IREB2: variants seen among roughly 807,000 people sequenced by gnomAD.
IREB2 encodes iron-responsive element-binding protein 2.
Under a neutral mutation model 118.8 loss-of-function variants are expected in IREB2, and 39 were observed. The ratio of observed to expected loss-of-function variants is 0.33; its 90% confidence interval spans 0.25 to 0.43. The LOEUF (loss-of-function observed/expected upper bound fraction) is 0.43, where lower values mean the gene tolerates loss of function less well. IREB2 is among the 20% of genes least tolerant of loss of function. The probability of loss-of-function intolerance (pLI) is 1.00; values close to 1 mark genes in which losing one functional copy is unlikely to be tolerated. For synonymous variants in IREB2, 372 were observed against 392.2 expected (o/e 0.95, Z 0.61); for missense variants, 900 against 1,147.3 (o/e 0.78, Z 3.11).
chr15:78,483,380 T>A lies in IREB2; in HGVS notation c.1359T>A (p.Asp453Glu). 1 of 1,609,966 alleles carries A rather than the reference T, an allele frequency of 6.2e-7. No individual in the cohort carries two copies. Among genetic ancestry groups the A allele is most frequent in the Non-Finnish European group, 8.5e-7 (1 of 1,176,256 alleles). ...PSVSGPKRPQDRVAVTDMKSD... is the reference protein window; with the variant it reads ...PSVSGPKRPQERVAVTDMKSD... ...TTAGTGGTCCAAAAAGACCTCAGGA[T>A]AGAGTTGCTGTGACAGATATGAAAA... The change falls in exon 11 of 22, where the codon GAT (aspartate) becomes GAA (glutamate). Residue 453 changes from aspartate to glutamate, a missense_variant. Coordinates refer to ENST00000258886, the MANE Select transcript of IREB2 (RefSeq NM_004136.4).
chr15:78,454,775 C>T (rs2051079013), intron 2 of IREB2, among the ~76,000 whole-genome samples: 1 of 152,208 alleles, frequency 6.6e-6, no homozygotes, highest in African/African-American at 2.4e-5. Flanking sequence ...CTCACTGCAG[C>T]CTTGACCTCC....
chr15:78,476,607 C>T (rs1390998432), intron 9 of IREB2: 3 of 270,754 alleles, frequency 1.1e-5, no homozygotes, highest in Non-Finnish European at 2.1e-5. Context: ...TGACTGTTTC[C>T]CCATAATGAT....
intron 12 of IREB2, 86 bp from the exon 13 acceptor site, chr15:78,485,619 A>G (rs1399348010): frequency 3.0e-6 from 4 of 1,336,484 alleles, no homozygotes; most frequent in African/African-American, 1.5e-5. Flanking sequence ...TCTGTTAAAT[A>G]AATTACTTCT....
intron 1 of IREB2, chr15:78,438,955 GA>G: frequency 6.6e-6 from 1 of 151,946 alleles, no homozygotes; most frequent in Non-Finnish European, 1.5e-5. Flanking sequence ...TATTCATTCT[GA>G]AAATGGGCTG....
chr15:78,456,161 A>C (rs538906092), intron 2 of IREB2, among the ~76,000 whole-genome samples: 1 of 152,332 alleles, frequency 6.6e-6, no homozygotes, highest in East Asian at 1.9e-4. Flanking sequence ...ATATGAGAGC[A>C]TGACTATCAG....
chr15:78,491,065 A>T (rs2051742506), intron 18 of IREB2, among the ~76,000 whole-genome samples: 1 of 152,182 alleles, frequency 6.6e-6, no homozygotes, highest in Non-Finnish European at 1.5e-5. Context: ...TTTATTGAAA[A>T]GTCAGCTTGG....
At chr15:78,444,866 A>G (rs1319909220) in intron 2 of IREB2, among the ~76,000 whole-genome samples, 3 of 152,168 alleles carry the variant, frequency 2.0e-5, no homozygotes, top group Non-Finnish European at 4.4e-5. Context: ...GTTCAGGTAG[A>G]AAGGGATACC....
intron 10 of IREB2, among the ~76,000 whole-genome samples, chr15:78,481,483 G>T (rs1331005247): frequency 6.6e-6 from 1 of 150,924 alleles, no homozygotes; most frequent in African/African-American, 2.4e-5. Context: ...AGCCTCCCAG[G>T]TAGCTGAGAC....
At chr15:78,445,141 T>TTTA (rs2050907860) in intron 2 of IREB2, among the ~76,000 whole-genome samples, 2 of 118,978 alleles carry the variant, frequency 1.7e-5, no homozygotes, top group African/African-American at 5.6e-5. Flanking sequence ...TCTTTATTTT[T>TTTA]TTTTTTTTTT....
At chr15:78,481,133 A>G (rs1388440463) in intron 10 of IREB2, among the ~76,000 whole-genome samples, 6 of 152,202 alleles carry the variant, frequency 3.9e-5, no homozygotes, top group Admixed American at 3.9e-4. Context: ...ATCATAAGCA[A>G]GGCCCTGTCC....
chr15:78,493,815 G>A (rs2051792601), intron 18 of IREB2, 94 bp from the exon 19 acceptor site: 2 of 1,170,360 alleles, frequency 1.7e-6, no homozygotes, highest in Admixed American at 2.4e-5. Flanking sequence ...GAAATTTTCT[G>A]TGATAAAAAA....
chr15:78,438,576 G>A, intron 1 of IREB2: 2 of 572,270 alleles, frequency 3.5e-6, no homozygotes, highest in South Asian at 4.2e-5. Context: ...CACCCGCAGG[G>A]CGGGCCACCC....
chr15:78,459,934 A>G (rs1259161664), intron 2 of IREB2, among the ~76,000 whole-genome samples: 1 of 152,152 alleles, frequency 6.6e-6, no homozygotes, highest in Non-Finnish European at 1.5e-5. Flanking sequence ...ACTAACCCCC[A>G]TGTTTTCAGT....
Position 78,484,826 on chromosome 15 carries a change from A to G in IREB2, c.1479A>G (p.Glu493=). Reference sequence around the variant, plus strand: ...AGGATATTGTCTCCATTCATTATGAAGGAAGTGAATATAAGCTGTCTCATG... The same window carrying G: ...AGGATATTGTCTCCATTCATTATGAGGGAAGTGAATATAAGCTGTCTCATG... ...KQKDIVSIHY[E]GSEYKLSHGS... Residue 493 remains glutamate, a synonymous_variant, in exon 12 of 22, where the codon GAA becomes GAG. Transcript: ENST00000258886. 1.9e-6 allele frequency: 3 copies of G among 1,612,930 alleles called. No individual in the cohort carries two copies. The highest frequency in any genetic ancestry group is 1.7e-4 in the Middle Eastern group (1 of 5,984).
rs942063742 is a variant in IREB2 at position 78,438,710 on chromosome 15, C to A, written c.19+354C>A. The A allele has an allele frequency of 1.1e-5, 4 of 371,912 alleles. No homozygotes were observed. In the Admixed American group the frequency reaches 1.6e-4, roughly 15 times the overall value. 23.0% of individuals were successfully genotyped at this position (371,912 alleles called of 1,614,324 possible). On this transcript the variant is annotated intron_variant, in intron 1 of 21. Transcript: ENST00000258886. ...GCCCACCGTCTTCTCCTGCCCGCCC[C>A]CCATTGGCGAGCGATGAAGGCGGGG...
intron 2 of IREB2, among the ~76,000 whole-genome samples, chr15:78,445,110 A>G (rs1162045476): frequency 6.6e-6 from 1 of 150,596 alleles, no homozygotes; most frequent in African/African-American, 2.4e-5. Context: ...TTATACTTTC[A>G]CTATTTACTG....
intron 11 of IREB2, 128 bp downstream of exon 11, chr15:78,483,562 C>T (rs977052797): frequency 2.6e-5 from 15 of 579,774 alleles, no homozygotes; most frequent in African/African-American, 1.7e-4. Flanking sequence ...CCAGCAGCCC[C>T]CTTATTTTCC....
At chr15:78,486,622 AG>A (rs2051665027) in intron 13 of IREB2, among the ~76,000 whole-genome samples, 1 of 152,104 alleles carries the variant, frequency 6.6e-6, no homozygotes, top group Admixed American at 6.5e-5. Context: ...AAAAAAAAAA[AG>A]TAACCTATGT....
chr15:78,479,143 C>T (rs1379897593), intron 10 of IREB2, among the ~76,000 whole-genome samples: 2 of 151,848 alleles, frequency 1.3e-5, no homozygotes, highest in African/African-American at 4.8e-5. Flanking sequence ...GGACCCTGGG[C>T]AGGGTCTCAT....
Sources: gnomAD v4.1 joint callset for allele counts (sites outside exome capture counted in the v4.1 genomes callset) on GRCh38, gnomAD v4.1.1 for gene constraint, MANE v1.5 for transcripts, NCBI Gene and HGNC (gene_info 2026-07-23, HGNC 2026-07-21) for gene names.